Variants in UGT2B4 observed in about 807,000 individuals in gnomAD.
UGT2B4 encodes the protein UDP glucuronosyltransferase family 2 member B4.
A neutral mutation model predicts 49.8 loss-of-function variants in UGT2B4; 49 were observed. The observed-to-expected ratio is 0.98, with a 90% CI of 0.78 to 1.25. The LOEUF is 1.25. Among genes scored for constraint, UGT2B4 ranks in the 50% most tolerant of loss-of-function variants. The probability of loss-of-function intolerance (pLI) is 0.00; values close to 1 mark genes in which losing one functional copy is unlikely to be tolerated. For missense variants in UGT2B4, 729 were observed against 627.7 expected, an observed-to-expected ratio of 1.16 and a Z score of -1.73; for synonymous variants, 246 against 217.7, an observed-to-expected ratio of 1.13 and a Z score of -1.14.
At chr4:69,517,833 A>G in intron 1 of UGT2B4, 1 of 173,044 alleles carries the variant, frequency 5.8e-6, no homozygotes, top group Non-Finnish European at 1.4e-5. Flanking sequence ...AGGAAGGTGG[A>G]GGTGGAAGTT....
chr4:69,514,145 T>C (rs1002344812), intron 1 of UGT2B4, among the ~76,000 whole-genome samples: 2 of 152,106 alleles, frequency 1.3e-5, no homozygotes, highest in African/African-American at 4.8e-5. Flanking sequence ...AATGTGCAGG[T>C]TTGTTACATA....
At chr4:69,490,156 G>A (rs942597929) in intron 2 of UGT2B4, among the ~76,000 whole-genome samples, 1 of 152,196 alleles carries the variant, frequency 6.6e-6, no homozygotes, top group Admixed American at 6.6e-5. Flanking sequence ...AAAAGTAGCT[G>A]TAAAAGGTGG....
At chr4:69,524,448 GACAA>G (rs1728923529) in intron 1 of UGT2B4, among the ~76,000 whole-genome samples, 1 of 151,754 alleles carries the variant, frequency 6.6e-6, no homozygotes, top group Non-Finnish European at 1.5e-5. Flanking sequence ...GCACTCAGTA[GACAA>G]ATAATATGTA....
chr4:69,505,038 C>G (rs1287853916), intron 1 of UGT2B4, among the ~76,000 whole-genome samples: 1 of 152,108 alleles, frequency 6.6e-6, no homozygotes, highest in Non-Finnish European at 1.5e-5. Flanking sequence ...GTTACCACCA[C>G]ACCTGCCTTA....
intron 1 of UGT2B4, among the ~76,000 whole-genome samples, chr4:69,506,781 T>C (rs908622212): frequency 1.3e-5 from 2 of 152,142 alleles, no homozygotes; most frequent in East Asian, 1.9e-4. Context: ...AAATGAAAAC[T>C]TCAAGCCAAT....
At chr4:69,481,198 G>T (rs961278364) in intron 5 of UGT2B4, among the ~76,000 whole-genome samples, 1 of 149,716 alleles carries the variant, frequency 6.7e-6, no homozygotes, top group Non-Finnish European at 1.5e-5. Context: ...GAACCCAAGA[G>T]GCGGAAGTTG....
intron 1 of UGT2B4, among the ~76,000 whole-genome samples, chr4:69,515,283 A>G (rs1728701686): frequency 1.3e-5 from 2 of 151,634 alleles, no homozygotes; most frequent in Non-Finnish European, 3.0e-5. Context: ...AACAATCCTC[A>G]GCAAACACAA....
At chr4:69,490,210 G>A (rs970446238) in intron 2 of UGT2B4, among the ~76,000 whole-genome samples, 2 of 151,984 alleles carry the variant, frequency 1.3e-5, no homozygotes, top group African/African-American at 4.8e-5. Flanking sequence ...GTTGTGGTTT[G>A]GAATTTCTAT....
chr4:69,520,444 A>T (rs547866339), intron 1 of UGT2B4, among the ~76,000 whole-genome samples: 2 of 152,302 alleles, frequency 1.3e-5, no homozygotes, highest in East Asian at 3.9e-4. Flanking sequence ...GTGCTCCCAG[A>T]TGCTGCTGCA....
At chr4:69,501,541 C>T (rs983036028) in intron 1 of UGT2B4, among the ~76,000 whole-genome samples, 2 of 152,128 alleles carry the variant, frequency 1.3e-5, no homozygotes, top group South Asian at 4.1e-4. Flanking sequence ...GATAGCCCAG[C>T]ACAGCAAAGC....
chr4:69,500,515 G>GGAAAGAAAGAAAGAAAGAA (rs1560438248), upstream of UGT2B4, among the ~76,000 whole-genome samples: 1 of 95,368 alleles, frequency 1.0e-5, no homozygotes, highest in African/African-American at 3.6e-5. Context: ...AAGGAAGGAA[G>GGAAAGAAAGAAAGAAAGAA]GAAAGAAAGA....
At position 69,486,636 on chromosome 4, in the gene UGT2B4, T is replaced by C. The variant is rs1282867354; in HGVS notation, c.1063A>G (p.Lys355Glu). Residue 355 changes from lysine to glutamate, a missense_variant, in exon 4 of 6, where the codon AAG (lysine) becomes GAG (glutamate). By Grantham distance (56) the Lys-to-Glu change is moderately conservative (BLOSUM62 1). Transcript: ENST00000305107. ...AGAAGATCATTCTGGGGTATCCACT[T>C]GTACAGCCGAGTATTGAGTCCTAAA... ...DTLGLNTRLY[K>E]WIPQNDLLGH... The C allele has an allele frequency of 1.2e-6, 2 of 1,607,804 alleles. No homozygotes were observed. The highest frequency in any genetic ancestry group is 2.2e-5 in the East Asian group (1 of 44,542).
Position 69,495,508 on chromosome 4 carries a change from T to C in UGT2B4, c.354A>G (p.Thr118=). 6.2e-7 allele frequency: 1 copy of C among 1,612,446 alleles called. No individual in the cohort carries two copies. The part of the protein sequence containing the change: ...YFSQVQEIMW[T]FNDILRKFCK... ...AGAACTTTCTAAGTATGTCATTAAA[T>C]GTCCACATGATTTCTTGTACTTGTG... is the stretch of plus-strand genomic sequence containing the variant. Residue 118 remains threonine, a synonymous_variant, in exon 1 of 6, where the codon ACA becomes ACG. Coordinates refer to ENST00000305107, the MANE Select transcript of UGT2B4 (RefSeq NM_021139.3).
At position 69,480,717 on chromosome 4, in the gene UGT2B4, C is replaced by T. The variant is rs192265916; in HGVS notation, c.1504G>A (p.Ala502Thr). The change falls in exon 6 of 6, where the codon GCA becomes ACA. Residue 502 changes from alanine (A) to threonine (T), a missense_variant. Ala to Thr is a moderately conservative substitution (Grantham distance 58). Coordinates refer to ENST00000305107, the MANE Select transcript of UGT2B4 (RefSeq NM_021139.3). ...DVTGFLLACV[A>T]TVIFIITKCL... ...TTTGTGATGATGAATATCACAGTTG[C>T]CACACAGGCCAGCAGGAACCCAGTC... The T allele has an allele frequency of 2.7e-5, 43 of 1,613,942 alleles. No individual in the cohort carries two copies. The highest frequency in any genetic ancestry group is 1.6e-4 in the Middle Eastern group (1 of 6,062).
intron 2 of UGT2B4, among the ~76,000 whole-genome samples, chr4:69,491,397 C>T (rs1727981440): frequency 6.6e-6 from 1 of 151,688 alleles, no homozygotes; most frequent in Admixed American, 6.6e-5. Context: ...TAAATATGTA[C>T]ATCTTGATTT....
At chr4:69,493,269 G>GT (rs1331658062) in intron 2 of UGT2B4, among the ~76,000 whole-genome samples, 32 of 151,970 alleles carry the variant, frequency 2.1e-4, no homozygotes, top group Non-Finnish European at 3.5e-4. Context: ...CTTAGCATTG[G>GT]TTTTTCTCTG....
chr4:69,481,652 T>C (rs563672047), intron 5 of UGT2B4, among the ~76,000 whole-genome samples: 37 of 152,342 alleles, frequency 2.4e-4, no homozygotes, highest in African/African-American at 8.7e-4. Flanking sequence ...GCATTTATCT[T>C]TGTGTTATGA....
In UGT2B4 at chr4:69,480,687, G is replaced by GACA; in HGVS notation, c.1531_1533dup (p.Cys511dup). 6.2e-7 allele frequency: 1 copy of GACA among 1,613,980 alleles called. No individual in the cohort carries two copies. Among genetic ancestry groups the GACA allele is most frequent in the Non-Finnish European group, 8.5e-7 (1 of 1,179,976 alleles). ...CTAACAAACTTCCAGACACAAAACA[G>GACA]ACATTTTGTGATGATGAATATCACA... On this transcript the variant is annotated inframe_insertion, in exon 6 of 6. Coordinates refer to ENST00000305107, the MANE Select transcript of UGT2B4 (RefSeq NM_021139.3).
chr4:69,503,730 C>T (rs1011282735), intron 1 of UGT2B4, among the ~76,000 whole-genome samples: 2 of 152,228 alleles, frequency 1.3e-5, no homozygotes, highest in African/African-American at 2.4e-5. Flanking sequence ...TCCACTGTAA[C>T]AGCACACAGT....
Sources: gnomAD v4.1 joint callset for allele counts (sites outside exome capture counted in the v4.1 genomes callset) on GRCh38, gnomAD v4.1.1 for gene constraint, MANE v1.5 for transcripts, NCBI Gene and HGNC (gene_info 2026-07-23, HGNC 2026-07-21) for gene names.